The following KIF6 variants were observed in gnomAD, a reference collection of about 807,000 sequenced individuals.
KIF6 encodes kinesin-like protein KIF6.
Under a neutral mutation model 112.7 loss-of-function variants are expected in KIF6, and 106 were observed. That is an observed-to-expected ratio of 0.94 (90% confidence interval 0.80 to 1.11). The LOEUF is 1.11. KIF6 is among the 50% of genes least tolerant of loss of function. KIF6 has a pLI of 0.00. For synonymous variants in KIF6, 339 were observed against 339.9 expected (o/e 1.00, Z 0.03); for missense variants, 929 against 964.0 (o/e 0.96, Z 0.48).
chr6:39,407,228 C>G (rs566730584), intron 15 of KIF6, among the ~76,000 whole-genome samples: 23 of 151,992 alleles, frequency 1.5e-4, no homozygotes, highest in Non-Finnish European at 2.9e-4. Flanking sequence ...TTCCTTTTTA[C>G]AAGATTGCAG....
At chr6:39,543,876 A>G (rs1020332020) in intron 12 of KIF6, among the ~76,000 whole-genome samples, 1 of 152,202 alleles carries the variant, frequency 6.6e-6, no homozygotes, top group Non-Finnish European at 1.5e-5. Flanking sequence ...TTCAGCACCC[A>G]AAATACACTG....
chr6:39,446,741 C>T (rs1217450395), intron 13 of KIF6, among the ~76,000 whole-genome samples: 3 of 152,296 alleles, frequency 2.0e-5, no homozygotes, highest in South Asian at 2.1e-4. Context: ...CCACCAGCCT[C>T]GGCCTCCCAA....
intron 13 of KIF6, among the ~76,000 whole-genome samples, chr6:39,445,406 C>T (rs1772247375): frequency 6.6e-6 from 1 of 152,216 alleles, no homozygotes; most frequent in Non-Finnish European, 1.5e-5. Flanking sequence ...TTAAATATAA[C>T]ATTCGTTTAT....
chr6:39,431,870 C>T (rs1199191238), intron 13 of KIF6, among the ~76,000 whole-genome samples: 5 of 152,158 alleles, frequency 3.3e-5, no homozygotes, highest in African/African-American at 7.2e-5. Context: ...CACCACCTCC[C>T]GGAGTGAGGG....
intron 13 of KIF6, among the ~76,000 whole-genome samples, chr6:39,464,583 C>A (rs976632691): frequency 1.3e-5 from 2 of 152,198 alleles, no homozygotes; most frequent in African/African-American, 4.8e-5. Flanking sequence ...GAATGCAGAG[C>A]AGCCACTTGC....
chr6:39,375,358 CA>C (rs1210659854), intron 16 of KIF6, among the ~76,000 whole-genome samples: 2 of 151,554 alleles, frequency 1.3e-5, no homozygotes, highest in African/African-American at 2.4e-5. Context: ...TGTCTCACCA[CA>C]AAAAAAATCA....
chr6:39,474,858 G>C (rs754906988), intron 13 of KIF6, among the ~76,000 whole-genome samples: 4 of 152,242 alleles, frequency 2.6e-5, no homozygotes, highest in Admixed American at 2.6e-4. Flanking sequence ...CCTACTGCCT[G>C]TGGCATAATC....
chr6:39,605,668 A>C (rs1322637307), intron 6 of KIF6, among the ~76,000 whole-genome samples: 1 of 152,164 alleles, frequency 6.6e-6, no homozygotes, highest in East Asian at 1.9e-4. Context: ...CATCAAGATC[A>C]GTAACAGACA....
chr6:39,647,909 C>G (rs1201786216), intron 3 of KIF6, among the ~76,000 whole-genome samples: 2 of 151,924 alleles, frequency 1.3e-5, no homozygotes, highest in Non-Finnish European at 2.9e-5. Context: ...CGGGGTTTCA[C>G]CATGTTGGCC....
At chr6:39,556,433 A>G (rs1779711912) in intron 10 of KIF6, among the ~76,000 whole-genome samples, 1 of 152,178 alleles carries the variant, frequency 6.6e-6, no homozygotes. Context: ...TCCTATCATC[A>G]TGACGAAGGC....
intron 16 of KIF6, among the ~76,000 whole-genome samples, chr6:39,375,969 C>A (rs889938509): frequency 9.2e-5 from 14 of 152,170 alleles, no homozygotes; most frequent in African/African-American, 2.7e-4. Flanking sequence ...GGGTCTGAAC[C>A]CTTGGCAGTT....
At chr6:39,596,510 A>G (rs4601114) in intron 6 of KIF6, among the ~76,000 whole-genome samples, 81,208 of 151,994 alleles carry the variant, frequency 0.53, 23,917 homozygotes, top group African/African-American at 0.79. Context: ...GGTATAGATC[A>G]AGTCCTCTTG....
Position 39,342,034 on chromosome 6 carries a change from C to T in KIF6, c.2428+1675G>A, listed in dbSNP as rs950133881. On this transcript the variant is annotated intron_variant, in intron 22 of 22. Coordinates refer to ENST00000287152, the MANE Select transcript of KIF6 (RefSeq NM_145027.6). The surrounding 1 kb of genome is among the most constrained non-coding windows in gnomAD (Gnocchi z 4.7). ...AGAATAAAATCCAAATCTCTTTCCCCTGTGCATAAGGCTGGTGTGACTTGG... is the reference window on the plus strand; with the variant it reads ...AGAATAAAATCCAAATCTCTTTCCCTTGTGCATAAGGCTGGTGTGACTTGG... 2.6e-5 allele frequency among the ~76,000 whole-genome samples: 4 copies of T among 152,220 alleles called. No individual in the cohort carries two copies. The highest frequency in any genetic ancestry group is 5.9e-5 in the Non-Finnish European group (4 of 68,046).
At chr6:39,397,954 A>G (rs1768396283) in intron 15 of KIF6, among the ~76,000 whole-genome samples, 1 of 152,204 alleles carries the variant, frequency 6.6e-6, no homozygotes, top group East Asian at 1.9e-4. Flanking sequence ...AATTGCCACA[A>G]TATGCAAAGA....
At chr6:39,614,962 T>G (rs1281674204) in intron 5 of KIF6, among the ~76,000 whole-genome samples, 1 of 152,094 alleles carries the variant, frequency 6.6e-6, no homozygotes, top group Non-Finnish European at 1.5e-5. Flanking sequence ...TGAGAGAAGT[T>G]AAGTAATATT....
In KIF6 at chr6:39,388,480, C is replaced by T. The variant is rs763525543; in HGVS notation, c.1811-2808G>A. Among the ~76,000 whole-genome samples the T allele has an allele frequency of 2.0e-4, 31 of 152,158 alleles. 1 individual carries two copies. The highest frequency in any genetic ancestry group is 1.2e-4 in the African/African-American group (5 of 41,504). On this transcript the variant is annotated intron_variant, in intron 15 of 22. Transcript: ENST00000287152. ...ATTGATAAAGGTTGTTTTACAATGC[C>T]GCTAGTGATACTCAGTTTTGGTGAA... is the stretch of plus-strand genomic sequence containing the variant.
chr6:39,395,503 A>G (rs1768195273), intron 15 of KIF6, among the ~76,000 whole-genome samples: 1 of 152,222 alleles, frequency 6.6e-6, no homozygotes, highest in African/African-American at 2.4e-5. Context: ...TCTTCTCAGC[A>G]AAGGGGGATA....
chr6:39,563,113 C>T (rs1780096744), intron 10 of KIF6, among the ~76,000 whole-genome samples: 1 of 152,056 alleles, frequency 6.6e-6, no homozygotes, highest in Admixed American at 6.6e-5. Flanking sequence ...CAGGGGTGCG[C>T]ACCTGTAGTC....
chr6:39,417,840 T>C (rs1390278307), intron 15 of KIF6, among the ~76,000 whole-genome samples: 1 of 152,236 alleles, frequency 6.6e-6, no homozygotes, highest in East Asian at 1.9e-4. Context: ...CAGAGTAAGA[T>C]ATTTTTTAAG....
Sources: allele counts gnomAD v4.1 joint callset (sites outside exome capture counted in the v4.1 genomes callset), GRCh38; gene constraint gnomAD v4.1.1; non-coding constraint Gnocchi (gnomAD v3.1); transcripts MANE v1.5; gene names NCBI Gene and HGNC (gene_info 2026-07-23, HGNC 2026-07-21).